ZNF385D: variants seen among roughly 807,000 people sequenced by gnomAD.
The protein encoded by ZNF385D is zinc finger protein 659.
A neutral mutation model predicts 35.8 loss-of-function variants in ZNF385D; 15 were observed. That is an observed-to-expected ratio of 0.42 (90% confidence interval 0.28 to 0.64). The LOEUF (loss-of-function observed/expected upper bound fraction) is 0.64, where lower values mean the gene tolerates loss of function less well. Ranked by LOEUF, ZNF385D falls within the 30% of genes least tolerant of loss-of-function variation. The pLI is 0.23. For missense variants in ZNF385D, 474 were observed against 494.6 expected (o/e 0.96, Z 0.39); for synonymous variants, 212 against 186.8 (o/e 1.13, Z -1.10).
chr3:22,186,487 G>A (rs548564341), intron 2 of ZNF385D, among the ~76,000 whole-genome samples: 11 of 152,138 alleles, frequency 7.2e-5, no homozygotes, highest in African/African-American at 1.9e-4. Context: ...CATCTCTGTC[G>A]TCAGAGACAT....
At chr3:22,313,969 C>T (rs1205618605) in intron 2 of ZNF385D, among the ~76,000 whole-genome samples, 1 of 152,140 alleles carries the variant, frequency 6.6e-6, no homozygotes, top group Non-Finnish European at 1.5e-5. Context: ...TGAAGCTCTG[C>T]ATAAGTTCTG....
intron 2 of ZNF385D, among the ~76,000 whole-genome samples, chr3:22,368,505 C>T (rs896850997): frequency 1.3e-5 from 2 of 152,108 alleles, no homozygotes; most frequent in Non-Finnish European, 1.5e-5. Context: ...CAACAAAATA[C>T]TATGAACTAG....
At chr3:21,916,926 A>G (rs1218183272) in intron 3 of ZNF385D, among the ~76,000 whole-genome samples, 1 of 152,136 alleles carries the variant, frequency 6.6e-6, no homozygotes, top group Non-Finnish European at 1.5e-5. Context: ...CCCATTCTGT[A>G]TGTCGATTAG....
chr3:21,946,198 T>G (rs1342771477), intron 3 of ZNF385D, among the ~76,000 whole-genome samples: 1 of 152,136 alleles, frequency 6.6e-6, no homozygotes, highest in Non-Finnish European at 1.5e-5. Flanking sequence ...GAAAGAGAAC[T>G]TTTCTCTTTT....
intron 3 of ZNF385D, among the ~76,000 whole-genome samples, chr3:21,896,244 T>C (rs1699129270): frequency 6.6e-6 from 1 of 152,162 alleles, no homozygotes; most frequent in African/African-American, 2.4e-5. Context: ...ATGATAAACA[T>C]GTTAAGTTTG....
At chr3:22,087,741 T>C (rs955661786) in intron 3 of ZNF385D, among the ~76,000 whole-genome samples, 11 of 152,128 alleles carry the variant, frequency 7.2e-5, no homozygotes, top group Non-Finnish European at 1.3e-4. Flanking sequence ...GCTTTTCTTA[T>C]GGAACAGATA....
intron 2 of ZNF385D, among the ~76,000 whole-genome samples, chr3:22,347,328 C>A (rs1695704062): frequency 6.6e-6 from 1 of 152,106 alleles, no homozygotes; most frequent in African/African-American, 2.4e-5. Flanking sequence ...TATTTCAGGT[C>A]AAACCACTGC....
chr3:22,142,263 G>C (rs1459676419), intron 3 of ZNF385D, among the ~76,000 whole-genome samples: 1 of 152,052 alleles, frequency 6.6e-6, no homozygotes, highest in Non-Finnish European at 1.5e-5. Flanking sequence ...TTCTTTACCA[G>C]CTTTTTACTA....
intron 3 of ZNF385D, among the ~76,000 whole-genome samples, chr3:21,554,506 C>T (rs1026305719): frequency 6.6e-6 from 1 of 152,142 alleles, no homozygotes; most frequent in East Asian, 1.9e-4. Flanking sequence ...TTGGAATAGT[C>T]AGTGAGCACT....
chr3:22,209,710 C>G (rs1397518422), intron 2 of ZNF385D, among the ~76,000 whole-genome samples: 2 of 151,696 alleles, frequency 1.3e-5, no homozygotes, highest in East Asian at 3.9e-4. Flanking sequence ...CACCAACATC[C>G]TTTAGGTACA....
At chr3:22,346,386 A>G (rs1297668369) in intron 2 of ZNF385D, among the ~76,000 whole-genome samples, 1 of 152,198 alleles carries the variant, frequency 6.6e-6, no homozygotes. Flanking sequence ...CCTTCATTCT[A>G]TTTTGAAATG....
chr3:22,335,086 GTAT>G (rs1695104471), intron 2 of ZNF385D, among the ~76,000 whole-genome samples: 1 of 152,066 alleles, frequency 6.6e-6, no homozygotes, highest in East Asian at 1.9e-4. Flanking sequence ...CTTTCATTGA[GTAT>G]TATATTTTAT....
intron 3 of ZNF385D, among the ~76,000 whole-genome samples, chr3:21,872,945 A>C (rs915355981): frequency 5.9e-5 from 9 of 152,138 alleles, no homozygotes; most frequent in Admixed American, 3.9e-4. Flanking sequence ...GTGTGCATCC[A>C]AGACAGGATG....
intron 3 of ZNF385D, among the ~76,000 whole-genome samples, chr3:21,532,714 G>A (rs2061953084): frequency 6.6e-6 from 1 of 151,096 alleles, no homozygotes; most frequent in South Asian, 2.1e-4. Flanking sequence ...TAACTTTTAG[G>A]ATTATATTCT....
At chr3:22,318,393 G>A (rs1365304249) in intron 2 of ZNF385D, among the ~76,000 whole-genome samples, 2 of 152,116 alleles carry the variant, frequency 1.3e-5, no homozygotes, top group Admixed American at 6.5e-5. Flanking sequence ...AACCTTGATC[G>A]ATCAATAAAG....
At chr3:21,762,469 C>T (rs1217018136) in intron 3 of ZNF385D, among the ~76,000 whole-genome samples, 1 of 152,178 alleles carries the variant, frequency 6.6e-6, no homozygotes, top group Admixed American at 6.5e-5. Flanking sequence ...GAGTGCCATA[C>T]TCATCATTAG....
Position 21,604,842 on chromosome 3 carries a change from A to C in ZNF385D, c.166-40158T>G, listed in dbSNP as rs570545594. Among the ~76,000 whole-genome samples the C allele has an allele frequency of 2.0e-5, 3 of 152,284 alleles. No individual in the cohort carries two copies. The East Asian group carries it at 5.8e-4, about 29-fold the overall frequency. The stretch of plus-strand genomic sequence containing the variant: ...AGAGAAATGGGAACAGCTTGAGGAC[A>C]ATTTTTAAAAGTTAAGGAAAGGCTA... On this transcript the variant is annotated intron_variant, in intron 2 of 7. Coordinates refer to ENST00000281523, the MANE Select transcript of ZNF385D (RefSeq NM_024697.3).
chr3:21,916,062 C>T (rs913072791), intron 3 of ZNF385D, among the ~76,000 whole-genome samples: 4 of 151,858 alleles, frequency 2.6e-5, no homozygotes, highest in African/African-American at 4.8e-5. Flanking sequence ...TCTTGTACTC[C>T]AAAATGAAAA....
intron 2 of ZNF385D, among the ~76,000 whole-genome samples, chr3:22,185,059 G>A (rs1423919164): frequency 1.3e-5 from 2 of 151,970 alleles, no homozygotes; most frequent in African/African-American, 4.8e-5. Flanking sequence ...GCTGTACATT[G>A]GATATTGTTA....
Sources: allele counts gnomAD v4.1 joint callset (sites outside exome capture counted in the v4.1 genomes callset), GRCh38; gene constraint gnomAD v4.1.1; transcripts MANE v1.5; gene names NCBI Gene and HGNC (gene_info 2026-07-23, HGNC 2026-07-21).